The following ZBTB46 variants were observed in gnomAD, a reference collection of about 807,000 sequenced individuals.
The protein encoded by ZBTB46 is zinc finger and BTB domain-containing protein 46.
In ZBTB46, 8 loss-of-function variants were observed where a neutral mutation model predicts 44.1. That is an observed-to-expected ratio of 0.18 (90% CI 0.11 to 0.33). ZBTB46 has a LOEUF of 0.33. ZBTB46 is among the 10% of genes least tolerant of loss of function. The probability of loss-of-function intolerance (pLI) is 1.00; values close to 1 mark genes in which losing one functional copy is unlikely to be tolerated. For synonymous variants in ZBTB46, 409 were observed against 382.3 expected (o/e 1.07, Z -0.81); for missense variants, 651 against 847.7 (o/e 0.77, Z 2.88).
intron 2 of ZBTB46, among the ~76,000 whole-genome samples, chr20:63,789,319 A>G (rs971609136): frequency 6.6e-6 from 1 of 152,150 alleles, no homozygotes; most frequent in Non-Finnish European, 1.5e-5. Flanking sequence ...TGGTGTTTCC[A>G]TTCAACATTC....
Position 63,752,645 on chromosome 20 carries a change from C to G in ZBTB46, c.1398+41G>C. 6.8e-7 allele frequency: 1 copy of G among 1,469,354 alleles called. No homozygotes were observed. Among genetic ancestry groups the G allele is most frequent in the Admixed American group, 2.2e-5 (1 of 45,134 alleles). The allele number at this position is 1,469,354 out of a possible 1,614,324, so 91.0% of individuals were successfully genotyped here. A position where few individuals can be genotyped will look rare whatever the true frequency, so the allele number is the denominator to read the frequency against. ...GGACCCGCCTGCCCGGACATCGTGGCCACGCGCAGCGCGCGGCACGCGGAC... is the reference window on the plus strand; with the variant it reads ...GGACCCGCCTGCCCGGACATCGTGGGCACGCGCAGCGCGCGGCACGCGGAC... On this transcript the variant is annotated intron_variant, in intron 4 of 4. Transcript: ENST00000245663. This position sits in a 1 kb window ranked among gnomAD's most constrained non-coding sequence, Gnocchi z 5.6.
At chr20:63,770,748 G>A (rs1247432641) in intron 3 of ZBTB46, among the ~76,000 whole-genome samples, 2 of 152,210 alleles carry the variant, frequency 1.3e-5, no homozygotes, top group African/African-American at 4.8e-5. Flanking sequence ...CTGGGCAGGC[G>A]GTGGGATCCC....
chr20:63,799,877 G>A (rs894629421), intron 1 of ZBTB46, among the ~76,000 whole-genome samples: 2 of 152,140 alleles, frequency 1.3e-5, no homozygotes, highest in Admixed American at 6.6e-5. Flanking sequence ...CACATGGAAC[G>A]GTGCAGCCGC....
chr20:63,752,849 G>A lies in ZBTB46; in HGVS notation c.1235C>T (p.Thr412Met). The A allele has an allele frequency of 1.2e-6, 2 of 1,605,100 alleles. No homozygotes were observed. The highest frequency in any genetic ancestry group is 1.7e-6 in the Non-Finnish European group (2 of 1,173,940). The change falls in exon 4 of 5, where the codon ACG (threonine) becomes ATG (methionine). Residue 412 changes from threonine (T) to methionine (M), a missense_variant. Physicochemically the swap from Thr to Met is moderately conservative, Grantham distance 81. This residue lies in a region of ZBTB46 where 385 missense variants were observed against 423.3 expected (regional missense o/e 0.91). Coordinates refer to ENST00000245663, the MANE Select transcript of ZBTB46 (RefSeq NM_001369741.1). The surrounding 1 kb of genome is among the most constrained non-coding windows in gnomAD (Gnocchi z 5.6). Reference sequence around the variant, plus strand: ...ACACTTGAACTTCTTCCTGATCACCGTGAACTCATTCACTGAAAGAGAGGG... The same window carrying A: ...ACACTTGAACTTCTTCCTGATCACCATGAACTCATTCACTGAAAGAGAGGG... ...GAHSLSLNEFTVIRKKFKCPY... is the reference protein window; with the variant it reads ...GAHSLSLNEFMVIRKKFKCPY...
chr20:63,833,470 A>G (rs571643461), upstream of ZBTB46, among the ~76,000 whole-genome samples: 36 of 152,364 alleles, frequency 2.4e-4, no homozygotes, highest in African/African-American at 8.2e-4. Context: ...AGGTGCCTGT[A>G]GTCCCAGCTA....
chr20:63,769,335 G>A, intron 3 of ZBTB46: 1 of 985,456 alleles, frequency 1.0e-6, no homozygotes, highest in Non-Finnish European at 1.2e-6. Context: ...GGTGGAGGGT[G>A]GAGGGGCTTC....
At chr20:63,807,960 G>C (rs1011454072) in intron 1 of ZBTB46, 1 of 147,372 alleles carries the variant, frequency 6.8e-6, no homozygotes, top group African/African-American at 2.6e-5. Flanking sequence ...TCCCACAGGA[G>C]ACACTCACGG....
In ZBTB46 at chr20:63,831,035, G is replaced by A. The variant is rs1034472769; in HGVS notation, c.-34+62C>T. On this transcript the variant is annotated intron_variant, in intron 1 of 4. Transcript: ENST00000245663. ...CCCCGGCTCCCGGCTCCCGGCTCCGGGCCCGGCCCCCGCCGCGATGCGCCC... is the reference window on the plus strand; with the variant it reads ...CCCCGGCTCCCGGCTCCCGGCTCCGAGCCCGGCCCCCGCCGCGATGCGCCC... 3.1e-3 allele frequency: 439 copies of A among 142,654 alleles called. 2 individuals are homozygous for A. The highest frequency in any genetic ancestry group is 0.011 in the African/African-American group (430 of 39,864). 8.8% of individuals were successfully genotyped at this position (142,654 alleles called of 1,614,324 possible).
intron 1 of ZBTB46, among the ~76,000 whole-genome samples, chr20:63,817,199 C>T (rs976584439): frequency 1.3e-5 from 2 of 152,040 alleles, no homozygotes; most frequent in African/African-American, 4.8e-5. Flanking sequence ...GCAGGAGGAT[C>T]GCTTGAGCCC....
At chr20:63,762,929 A>G (rs956986381) in intron 3 of ZBTB46, among the ~76,000 whole-genome samples, 1 of 152,166 alleles carries the variant, frequency 6.6e-6, no homozygotes, top group Non-Finnish European at 1.5e-5. Flanking sequence ...TGGCACAATC[A>G]TAGCACATGG....
At chr20:63,756,815 G>A (rs1248316536) in intron 3 of ZBTB46, among the ~76,000 whole-genome samples, 2 of 152,204 alleles carry the variant, frequency 1.3e-5, no homozygotes, top group Non-Finnish European at 2.9e-5. Context: ...GATGTGGCCC[G>A]CACTGCTGCC....
At chr20:63,804,078 G>C (rs890059279) in intron 1 of ZBTB46, among the ~76,000 whole-genome samples, 1 of 151,596 alleles carries the variant, frequency 6.6e-6, no homozygotes, top group Admixed American at 6.6e-5. Flanking sequence ...ACTGCCCTGC[G>C]CTGTCCCATC....
At position 63,774,704 on chromosome 20, in the gene ZBTB46, TTTTTTG is replaced by T. The variant is rs1427326011; in HGVS notation, c.1222+968_1222+973del. ...GCTGCGGTGGGTTTTTTTTGTTTTT[TTTTTTG>T]TTTTTTTTTTTGAGACAGAGTCTCC... On this transcript the variant is annotated intron_variant, in intron 3 of 4. Coordinates refer to ENST00000245663, the MANE Select transcript of ZBTB46 (RefSeq NM_001369741.1). Among the ~76,000 whole-genome samples, 418 of 143,564 alleles carry T rather than the reference TTTTTTG, an allele frequency of 2.9e-3. 32 individuals are homozygous for T. Among genetic ancestry groups the T allele is most frequent in the Middle Eastern group, 3.5e-3 (1 of 282 alleles). The allele number at this position is 143,564 out of a possible 152,430, so 94.2% of individuals were successfully genotyped here.
At chr20:63,830,829 G>A (rs1429766452) in intron 1 of ZBTB46, among the ~76,000 whole-genome samples, 1 of 143,778 alleles carries the variant, frequency 7.0e-6, no homozygotes, top group Non-Finnish European at 1.5e-5. Context: ...CGCCGCCCCC[G>A]CGCGCCCCGC....
chr20:63,817,775 G>A (rs1047011997), intron 1 of ZBTB46, among the ~76,000 whole-genome samples: 3 of 152,034 alleles, frequency 2.0e-5, no homozygotes, highest in African/African-American at 7.2e-5. Flanking sequence ...CACCCGCAGG[G>A]GAGACTGTGT....
At chr20:63,809,015 AAAAG>A (rs1353180830) in intron 1 of ZBTB46, among the ~76,000 whole-genome samples, 90 of 151,462 alleles carry the variant, frequency 5.9e-4, no homozygotes, top group Non-Finnish European at 1.1e-3. Context: ...AGAAAAAAAA[AAAAG>A]AAAGAAAACT....
chr20:63,789,225 C>T (rs1348790855), intron 2 of ZBTB46, among the ~76,000 whole-genome samples: 1 of 152,166 alleles, frequency 6.6e-6, no homozygotes, highest in African/African-American at 2.4e-5. Context: ...AATCCACTTG[C>T]CGGGAAAGGC....
intron 1 of ZBTB46, among the ~76,000 whole-genome samples, chr20:63,792,521 CTTTT>C (rs559922962): frequency 1.4e-5 from 2 of 145,902 alleles, no homozygotes; most frequent in Non-Finnish European, 3.0e-5. Context: ...ATATTTTCTT[CTTTT>C]TTTTTTTTTG....
At chr20:63,805,119 C>A (rs2092673188) in intron 1 of ZBTB46, among the ~76,000 whole-genome samples, 1 of 151,862 alleles carries the variant, frequency 6.6e-6, no homozygotes. Flanking sequence ...CGGGGTTTCA[C>A]CACGTTGGCC....
Sources: gnomAD v4.1 joint callset for allele counts (sites outside exome capture counted in the v4.1 genomes callset) on GRCh38, gnomAD v4.1.1 for gene constraint, gnomAD v4.1.1 regional missense constraint, Gnocchi (gnomAD v3.1) non-coding constraint, MANE v1.5 for transcripts, NCBI Gene and HGNC (gene_info 2026-07-23, HGNC 2026-07-21) for gene names.